CNTN5: variants seen among roughly 807,000 people sequenced by gnomAD.
CNTN5 encodes the protein contactin 5, also known as contactin-5.
Under a neutral mutation model 129.1 loss-of-function variants are expected in CNTN5, and 77 were observed. That is an observed-to-expected ratio of 0.60 (90% CI 0.50 to 0.72). The LOEUF is 0.72. Among genes scored for constraint, CNTN5 ranks in the 30% least tolerant of loss-of-function variants. The probability of loss-of-function intolerance (pLI) is 0.00; values close to 1 mark genes in which losing one functional copy is unlikely to be tolerated. For synonymous variants in CNTN5, 509 were observed against 465.6 expected (o/e 1.09, Z -1.20); for missense variants, 1,478 against 1,328.8 (o/e 1.11, Z -1.75).
At chr11:99,392,527 A>G (rs1400923085) in intron 2 of CNTN5, among the ~76,000 whole-genome samples, 1 of 151,912 alleles carries the variant, frequency 6.6e-6, no homozygotes, top group African/African-American at 2.4e-5. Context: ...ATTGACTTTC[A>G]CTACCATCTG....
chr11:99,678,124 T>C (rs1333725551), intron 3 of CNTN5, among the ~76,000 whole-genome samples: 1 of 152,152 alleles, frequency 6.6e-6, no homozygotes, highest in Admixed American at 6.6e-5. Flanking sequence ...ATGTAAATAA[T>C]TGTTGAATAA....
intron 2 of CNTN5, among the ~76,000 whole-genome samples, chr11:99,509,798 T>C (rs1005381351): frequency 6.6e-6 from 1 of 152,008 alleles, no homozygotes; most frequent in African/African-American, 2.4e-5. Flanking sequence ...ATCTATTTAT[T>C]AATGTTATGA....
At chr11:99,968,656 CTTTTTTTTTTTTTTTTTTT>C (rs71050037) in intron 8 of CNTN5, among the ~76,000 whole-genome samples, 3 of 73,870 alleles carry the variant, frequency 4.1e-5, no homozygotes, top group Non-Finnish European at 7.4e-5. Context: ...GCTTTGGGTA[CTTTTTTTTTTTTTTTTTTT>C]TTTTTTTTTT....
chr11:99,981,849 T>TA (rs1938370284), intron 8 of CNTN5, among the ~76,000 whole-genome samples: 1 of 152,210 alleles, frequency 6.6e-6, no homozygotes, highest in African/African-American at 2.4e-5. Flanking sequence ...GCAAATAACT[T>TA]ACCATAATCA....
intron 8 of CNTN5, among the ~76,000 whole-genome samples, chr11:99,988,309 C>T (rs1385248612): frequency 6.6e-6 from 1 of 152,184 alleles, no homozygotes; most frequent in African/African-American, 2.4e-5. Context: ...TCATTTGTCA[C>T]GTTTTTTGCC....
chr11:100,307,744 A>G (rs144883644), intron 20 of CNTN5, among the ~76,000 whole-genome samples: 109 of 151,804 alleles, frequency 7.2e-4, no homozygotes, highest in African/African-American at 2.5e-3. Flanking sequence ...ATTTAGATAC[A>G]CAGAATAAAA....
intron 4 of CNTN5, among the ~76,000 whole-genome samples, chr11:99,828,877 C>T (rs964118117): frequency 6.6e-6 from 1 of 152,042 alleles, no homozygotes; most frequent in Non-Finnish European, 1.5e-5. Flanking sequence ...TAAATGTGAG[C>T]TTTTGTATAA....
chr11:100,328,333 G>T (rs1417715682), intron 21 of CNTN5, among the ~76,000 whole-genome samples: 2 of 152,078 alleles, frequency 1.3e-5, no homozygotes, highest in Non-Finnish European at 2.9e-5. Context: ...TCCAGCCTAG[G>T]ACTAATACAG....
Position 100,156,158 on chromosome 11 carries a change from A to C in CNTN5, c.1581-34968A>C, listed in dbSNP as rs1031254480. 2.6e-5 allele frequency among the ~76,000 whole-genome samples: 4 copies of C among 152,024 alleles called. No individual in the cohort carries two copies. The South Asian group carries it at 8.3e-4, about 31-fold the overall frequency. ...TATGGGTTTGTCACAAATAGCTCTT[A>C]TTATTTTGATATGTTCCATCAATGC... is the stretch of plus-strand genomic sequence containing the variant. On this transcript the variant is annotated intron_variant, in intron 13 of 24. Coordinates refer to ENST00000524871, the MANE Select transcript of CNTN5 (RefSeq NM_014361.4).
rs146951882 is a variant in CNTN5 at position 100,268,112 on chromosome 11, A to G, written c.2165-2980A>G. 1.3e-3 allele frequency among the ~76,000 whole-genome samples: 191 copies of G among 152,278 alleles called. 1 individual carries two copies. The highest frequency in any genetic ancestry group is 2.4e-3 in the Non-Finnish European group (161 of 68,006). On this transcript the variant is annotated intron_variant, in intron 17 of 24. Transcript: ENST00000524871. Reference sequence around the variant, plus strand: ...AAGAATGGAGTTACTGTTAAGTGACATGGAGAAGCCTGAGAAACCTTCATA... The same window carrying G: ...AAGAATGGAGTTACTGTTAAGTGACGTGGAGAAGCCTGAGAAACCTTCATA...
At chr11:99,358,546 C>T (rs993130789) in intron 2 of CNTN5, among the ~76,000 whole-genome samples, 2 of 151,396 alleles carry the variant, frequency 1.3e-5, no homozygotes, top group African/African-American at 4.9e-5. Context: ...GGCGACAGAG[C>T]AAGACTCCAT....
chr11:100,186,772 T>G (rs2138480935), intron 13 of CNTN5, among the ~76,000 whole-genome samples: 1 of 152,320 alleles, frequency 6.6e-6, no homozygotes, highest in East Asian at 1.9e-4. Flanking sequence ...ATGAAAATTC[T>G]ATAATGTAGA....
At position 99,721,744 on chromosome 11, in the gene CNTN5, G is replaced by A. The variant is rs1943180997; in HGVS notation, c.56-97800G>A. 2.0e-5 allele frequency among the ~76,000 whole-genome samples: 3 copies of A among 152,092 alleles called. No homozygotes were observed. In the South Asian group the frequency reaches 6.2e-4, roughly 32 times the overall value. ...TTTCTAAACTATGCCTCTGACAAAG[G>A]TCCAATATCCAGCATTGATAAGGAA... On this transcript the variant is annotated intron_variant, in intron 3 of 24. Transcript: ENST00000524871.
intron 3 of CNTN5, among the ~76,000 whole-genome samples, chr11:99,755,393 T>G (rs1944373676): frequency 6.6e-6 from 1 of 152,182 alleles, no homozygotes; most frequent in South Asian, 2.1e-4. Context: ...CATTTAGTGT[T>G]GTCAGTGTTC....
intron 18 of CNTN5, among the ~76,000 whole-genome samples, chr11:100,294,763 C>A (rs142733896): frequency 6.6e-6 from 1 of 151,588 alleles, no homozygotes; most frequent in South Asian, 2.1e-4. Flanking sequence ...AACTTTTACA[C>A]CATAAGCGCT....
At chr11:99,882,558 T>A (rs1948798074) in intron 6 of CNTN5, among the ~76,000 whole-genome samples, 1 of 152,156 alleles carries the variant, frequency 6.6e-6, no homozygotes, top group African/African-American at 2.4e-5. Flanking sequence ...TCATTTTTTA[T>A]TTTTTTAATT....
chr11:99,804,222 T>C lies in CNTN5; in HGVS notation c.56-15322T>C, dbSNP rs1403296371. On this transcript the variant is annotated intron_variant, in intron 3 of 24. Coordinates refer to ENST00000524871, the MANE Select transcript of CNTN5 (RefSeq NM_014361.4). ...TTTTACAATATGGTAGATACATTTA[T>C]TTGGAAAAAGTTACTTGATAAGTTG... Among the ~76,000 whole-genome samples, 2 of 152,080 alleles carry C rather than the reference T, an allele frequency of 1.3e-5. 1 individual carries two copies. The highest frequency in any genetic ancestry group is 3.8e-4 in the East Asian group (2 of 5,196).
intron 1 of CNTN5, among the ~76,000 whole-genome samples, chr11:99,141,196 T>A (rs1194152401): frequency 9.2e-5 from 14 of 152,156 alleles, no homozygotes; most frequent in Admixed American, 9.2e-4. Context: ...CATTCAAGGT[T>A]TCAGTTTTTT....
At chr11:99,585,887 T>C (rs769191261) in intron 3 of CNTN5, among the ~76,000 whole-genome samples, 2 of 152,136 alleles carry the variant, frequency 1.3e-5, no homozygotes, top group Non-Finnish European at 2.9e-5. Context: ...AAAATTTCCG[T>C]GGTGAAGCAG....
Sources: gnomAD v4.1 joint callset for allele counts (sites outside exome capture counted in the v4.1 genomes callset) on GRCh38, gnomAD v4.1.1 for gene constraint, MANE v1.5 for transcripts, NCBI Gene and HGNC (gene_info 2026-07-23, HGNC 2026-07-21) for gene names.